Variants in SBNO1 observed in about 807,000 individuals in gnomAD.
SBNO1 encodes the protein protein strawberry notch homolog 1.
Under a neutral mutation model 173.6 loss-of-function variants are expected in SBNO1, and 23 were observed. That is an observed-to-expected ratio of 0.13 (90% confidence interval 0.10 to 0.19). The LOEUF (loss-of-function observed/expected upper bound fraction) is 0.19. Ranked by LOEUF, SBNO1 falls within the 10% of genes least tolerant of loss-of-function variation. The pLI is 1.00. For synonymous variants in SBNO1, 632 were observed against 571.5 expected, an observed-to-expected ratio of 1.11 and a Z score of -1.51; for missense variants, 1,238 against 1,671.2, an observed-to-expected ratio of 0.74 and a Z score of 4.52.
At position 123,321,617 on chromosome 12, in the gene SBNO1, A is replaced by G. The variant is rs1869983357; in HGVS notation, c.2241T>C (p.Tyr747=). ...SDASDNEESD[Y]ESSKNMSSGD... Reference sequence around the variant, plus strand: ...CAGAACTCATGTTTTTAGAGCTCTCATAGTCACTTTCTTCATTATCAGAGG... The same window carrying G: ...CAGAACTCATGTTTTTAGAGCTCTCGTAGTCACTTTCTTCATTATCAGAGG... The change falls in exon 17 of 32, where the codon TAT becomes TAC. Residue 747 remains tyrosine (Y), a synonymous_variant. Transcript: ENST00000602398. 6.2e-7 allele frequency: 1 copy of G among 1,613,930 alleles called. No individual in the cohort carries two copies. Among genetic ancestry groups the G allele is most frequent in the African/African-American group, 1.3e-5 (1 of 74,900 alleles).
At chr12:123,330,588 G>C in intron 8 of SBNO1, 79 bp from the exon 9 acceptor site, 1 of 737,174 alleles carries the variant, frequency 1.4e-6, no homozygotes, top group Non-Finnish European at 2.1e-6. Context: ...ATAAAGCCAG[G>C]TCTTGACACT....
rs61618485 is a variant in SBNO1 at position 123,324,324 on chromosome 12, C to CT, written c.1974-494dup. Among the ~76,000 whole-genome samples, 335 of 117,576 alleles carry CT rather than the reference C, an allele frequency of 2.8e-3. 3 individuals are homozygous for CT. The highest frequency in any genetic ancestry group is 0.014 in the Admixed American group (161 of 11,564). 77.1% of individuals were successfully genotyped at this position (117,576 alleles called of 152,430 possible). A position where few individuals can be genotyped will look rare whatever the true frequency, so the allele number is the denominator to read the frequency against. On this transcript the variant is annotated intron_variant, in intron 15 of 31. Coordinates refer to ENST00000602398, the MANE Select transcript of SBNO1 (RefSeq NM_001167856.3). Reference sequence around the variant, plus strand: ...TAGCAGGTGTATGTCTTGCTTTTTTCTTTTTTTTTTTTTTTTTGAGACCGA... The same window carrying CT: ...TAGCAGGTGTATGTCTTGCTTTTTTCTTTTTTTTTTTTTTTTTTGAGACCGA...
At position 123,348,845 on chromosome 12, in the gene SBNO1, A is replaced by G. The variant is rs1270737395; in HGVS notation, c.133-712T>C. Among the ~76,000 whole-genome samples the G allele has an allele frequency of 2.0e-5, 3 of 152,032 alleles. No homozygotes were observed. In the East Asian group the frequency reaches 5.8e-4, roughly 30 times the overall value. On this transcript the variant is annotated intron_variant, in intron 2 of 31. Transcript: ENST00000602398. ...CTTGGCGGCGGCCCCCTGTAATCCC[A>G]GCTACTCGGGAGGCTGAGGTGGGAG...
At chr12:123,333,697 C>G (rs1871506869) in intron 7 of SBNO1, among the ~76,000 whole-genome samples, 1 of 151,928 alleles carries the variant, frequency 6.6e-6, no homozygotes, top group South Asian at 2.1e-4. Context: ...GATGTTTCAC[C>G]ATGTTACCCA....
intron 31 of SBNO1, 21 bp downstream of exon 31, chr12:123,297,957 C>A: frequency 1.2e-6 from 2 of 1,607,716 alleles, no homozygotes; most frequent in Non-Finnish European, 1.7e-6. Flanking sequence ...CAACTCAAAC[C>A]AAAACAAAAA....
intron 9 of SBNO1, among the ~76,000 whole-genome samples, chr12:123,329,623 A>G (rs1442485343): frequency 6.6e-6 from 1 of 152,112 alleles, no homozygotes; most frequent in Non-Finnish European, 1.5e-5. Context: ...TGCCACTTAC[A>G]TCCTTTTAGT....
At position 123,293,134 on chromosome 12, in the gene SBNO1, G is replaced by C. The variant is rs1023742119; in HGVS notation, c.*2774C>G. On this transcript the variant is annotated 3_prime_UTR_variant, in exon 32 of 32. Coordinates refer to ENST00000602398, the MANE Select transcript of SBNO1 (RefSeq NM_001167856.3). ...AAGAAAAAGGCATTGCAGAGGCAAAGTGGACATGGGGTTAATTAAACAAGG... is the reference window on the plus strand; with the variant it reads ...AAGAAAAAGGCATTGCAGAGGCAAACTGGACATGGGGTTAATTAAACAAGG... 1 of 152,214 alleles carries C rather than the reference G, an allele frequency of 6.6e-6. No individual in the cohort carries two copies. The highest frequency in any genetic ancestry group is 1.5e-5 in the Non-Finnish European group (1 of 68,040). 9.4% of individuals were successfully genotyped at this position (152,214 alleles called of 1,614,324 possible).
chr12:123,309,515 T>C lies in SBNO1; in HGVS notation c.3511A>G (p.Thr1171Ala), dbSNP rs147063185. 69 of 1,613,804 alleles carry C rather than the reference T, an allele frequency of 4.3e-5. No homozygotes were observed. Among genetic ancestry groups the C allele is most frequent in the South Asian group, 6.6e-5 (6 of 91,076 alleles). Residue 1171 changes from threonine to alanine, a missense_variant, in exon 27 of 32, where the codon ACC becomes GCC. By Grantham distance (58) the Thr-to-Ala change is moderately conservative. Around this residue, in one of 14 missense-constraint regions of SBNO1, gnomAD observed 351 missense variants for 420.3 expected, o/e 0.84. Coordinates refer to ENST00000602398, the MANE Select transcript of SBNO1 (RefSeq NM_001167856.3). ...GTGTATAATTCTACGTGGCCAGAGG[T>C]TGAATATCCTGGAGTCAGAAACTTT... ...VKKFLTPGYS[T>A]SGHVELYTIS...
intron 20 of SBNO1, 94 bp downstream of exon 20, chr12:123,319,806 T>A (rs780652630): frequency 6.7e-6 from 7 of 1,037,518 alleles, no homozygotes; most frequent in African/African-American, 3.2e-5. Context: ...TCAATGGACA[T>A]GACTTATATT....
chr12:123,318,737 CA>C (rs56158087), intron 20 of SBNO1, among the ~76,000 whole-genome samples: 71,821 of 116,296 alleles, frequency 0.62, 22,825 homozygotes, highest in Non-Finnish European at 0.73. Flanking sequence ...GACTCTGTCT[CA>C]AAAAAAAAAA....
In SBNO1 at chr12:123,292,901, A is replaced by G. The variant is rs999550345; in HGVS notation, c.*3007T>C. ...ATACTCCTATGAATTTGTATCATTGATAGTGTATCTGGATAATCCCAGTAA... is the reference window on the plus strand; with the variant it reads ...ATACTCCTATGAATTTGTATCATTGGTAGTGTATCTGGATAATCCCAGTAA... On this transcript the variant is annotated 3_prime_UTR_variant, in exon 32 of 32. Coordinates refer to ENST00000602398, the MANE Select transcript of SBNO1 (RefSeq NM_001167856.3). The G allele has an allele frequency of 2.0e-5, 3 of 152,206 alleles. No individual in the cohort carries two copies. The highest frequency in any genetic ancestry group is 4.4e-5 in the Non-Finnish European group (3 of 68,040). The allele number at this position is 152,206 out of a possible 1,614,324, so 9.4% of individuals were successfully genotyped here. A position where few individuals can be genotyped will look rare whatever the true frequency, so the allele number is the denominator to read the frequency against.
chr12:123,310,911 C>A (rs1430773859), intron 25 of SBNO1, 144 bp downstream of exon 25: 6 of 626,026 alleles, frequency 9.6e-6, no homozygotes, highest in Non-Finnish European at 1.7e-5. Flanking sequence ...ATGCATGGAT[C>A]TTTTACACAT....
At chr12:123,363,715 C>A in intron 1 of SBNO1, 1 of 312,900 alleles carries the variant, frequency 3.2e-6, no homozygotes, top group Non-Finnish European at 4.6e-6. Context: ...GTTTCTCAAC[C>A]AGCGACTCCC....
Position 123,334,208 on chromosome 12 carries a change from T to C in SBNO1, c.754A>G (p.Ile252Val), listed in dbSNP as rs771439963. The C allele has an allele frequency of 6.4e-7, 1 of 1,556,190 alleles. No individual in the cohort carries two copies. Among genetic ancestry groups the C allele is most frequent in the African/African-American group, 1.4e-5 (1 of 72,264 alleles). The change falls in exon 7 of 32, where the codon ATT becomes GTT. Residue 252 changes from isoleucine to valine, a missense_variant. Coordinates refer to ENST00000602398, the MANE Select transcript of SBNO1 (RefSeq NM_001167856.3). Reference protein sequence around the residue: ...YAEYMPIKLKIGLRHPDAVVE... With the variant: ...YAEYMPIKLKVGLRHPDAVVE... ...ACAGCATCTGGATGACGTAGGCCAA[T>C]TTTTACTAAACAAAAATGTAAAAAC...
At position 123,311,221 on chromosome 12, in the gene SBNO1, T is replaced by C. The variant is rs1258455675; in HGVS notation, c.3221-92A>G. The C allele has an allele frequency of 5.5e-6, 5 of 913,234 alleles. No homozygotes were observed. In the East Asian group the frequency reaches 9.9e-5, roughly 18 times the overall value. The allele number at this position is 913,234 out of a possible 1,614,324, so 56.6% of individuals were successfully genotyped here. A position where few individuals can be genotyped will look rare whatever the true frequency, so the allele number is the denominator to read the frequency against. ...GAAAAGTATGTTGTAAGTAGTATCA[T>C]GCCATTTTAAAAAAACACCTTGATA... On this transcript the variant is annotated intron_variant, in intron 24 of 31. Transcript: ENST00000602398.
intron 1 of SBNO1, among the ~76,000 whole-genome samples, chr12:123,352,999 T>G (rs1412912763): frequency 1.3e-5 from 2 of 152,136 alleles, no homozygotes; most frequent in Non-Finnish European, 2.9e-5. Flanking sequence ...GGTTTCACCG[T>G]ATTGCCCAGG....
intron 1 of SBNO1, 133 bp from the exon 2 acceptor site, chr12:123,350,574 TCAGA>T (rs1303315637): frequency 3.0e-5 from 22 of 727,054 alleles, no homozygotes; most frequent in Non-Finnish European, 3.7e-5. Flanking sequence ...CTGCCATGTC[TCAGA>T]CAAAGAGGAT....
chr12:123,340,551 A>T (rs762147669), intron 5 of SBNO1, among the ~76,000 whole-genome samples: 1 of 139,450 alleles, frequency 7.2e-6, no homozygotes, highest in Non-Finnish European at 1.5e-5. Context: ...ACTGCACTCC[A>T]GCCTGGGCGA....
rs143692569 is a variant in SBNO1 at position 123,313,586 on chromosome 12, C to G, written c.3220+34G>C. The G allele has an allele frequency of 2.0e-3, 2,187 of 1,100,420 alleles. 36 individuals are homozygous for G. In the Admixed American group the frequency reaches 0.023, roughly 12 times the overall value. The allele number at this position is 1,100,420 out of a possible 1,614,324, so 68.2% of individuals were successfully genotyped here. A position where few individuals can be genotyped will look rare whatever the true frequency, so the allele number is the denominator to read the frequency against. ...GTTTGAGTACATCTTTGTCAATAAT[C>G]ATTGTCATTGTTATGAATATTTGTA... On this transcript the variant is annotated intron_variant, in intron 24 of 31. Transcript: ENST00000602398.
Sources: gnomAD v4.1 joint callset for allele counts (sites outside exome capture counted in the v4.1 genomes callset) on GRCh38, gnomAD v4.1.1 for gene constraint, gnomAD v4.1.1 regional missense constraint, MANE v1.5 for transcripts, NCBI Gene and HGNC (gene_info 2026-07-23, HGNC 2026-07-21) for gene names.